The following PRKAR1B variants were observed in gnomAD, a reference collection of about 807,000 sequenced individuals.
PRKAR1B encodes cAMP-dependent protein kinase type I-beta regulatory subunit.
In PRKAR1B, 22 loss-of-function variants were observed where a neutral mutation model predicts 46.5. The ratio of observed to expected loss-of-function variants is 0.47; its 90% CI spans 0.34 to 0.68. The LOEUF is 0.68. Among genes scored for constraint, PRKAR1B ranks in the 30% least tolerant of loss-of-function variants. The pLI, the probability that PRKAR1B is intolerant of heterozygous loss-of-function variation, is 0.01. For missense variants in PRKAR1B, 445 were observed against 535.6 expected, an observed-to-expected ratio of 0.83 and a Z score of 1.67; for synonymous variants, 259 against 217.7, an observed-to-expected ratio of 1.19 and a Z score of -1.67.
chr7:618,403 TC>T (rs758383542), intron 4 of PRKAR1B, among the ~76,000 whole-genome samples: 2 of 152,218 alleles, frequency 1.3e-5, no homozygotes, highest in East Asian at 1.9e-4. Flanking sequence ...CCCATAGCCC[TC>T]TCGGTCTGTG....
At chr7:707,555 C>T (rs879528159) in intron 2 of PRKAR1B, among the ~76,000 whole-genome samples, 1 of 106,990 alleles carries the variant, frequency 9.3e-6, no homozygotes, top group Non-Finnish European at 2.0e-5. Context: ...GAGTCCTAAC[C>T]TCAGAACCTC....
chr7:630,180 C>G (rs1385682156), intron 4 of PRKAR1B, among the ~76,000 whole-genome samples: 2 of 152,226 alleles, frequency 1.3e-5, no homozygotes, highest in Admixed American at 6.5e-5. Context: ...CCCACCTCCC[C>G]CTTCCAGGAC....
intron 4 of PRKAR1B, among the ~76,000 whole-genome samples, chr7:660,837 C>T (rs1273972450): frequency 7.7e-6 from 1 of 129,550 alleles, no homozygotes; most frequent in African/African-American, 3.1e-5. Flanking sequence ...GGTCCCCAAC[C>T]CAACAGATCC....
chr7:709,018 C>A (rs1780474817), intron 2 of PRKAR1B, among the ~76,000 whole-genome samples: 1 of 147,438 alleles, frequency 6.8e-6, no homozygotes, highest in African/African-American at 2.5e-5. Context: ...GTCTCAAACT[C>A]CTGACCTCAT....
At chr7:622,194 A>C (rs1783143306) in intron 4 of PRKAR1B, among the ~76,000 whole-genome samples, 1 of 152,228 alleles carries the variant, frequency 6.6e-6, no homozygotes, top group African/African-American at 2.4e-5. Flanking sequence ...AGGCCACCTA[A>C]GGGGGACAAC....
chr7:691,394 TCC>T, intron 2 of PRKAR1B: 1 of 912,008 alleles, frequency 1.1e-6, no homozygotes. Context: ...AGATTCCAAA[TCC>T]CCTGCCTGGT....
At chr7:583,392 CA>C (rs1780325633) in intron 8 of PRKAR1B, among the ~76,000 whole-genome samples, 2 of 54,246 alleles carry the variant, frequency 3.7e-5, no homozygotes, top group African/African-American at 9.5e-5. Context: ...TGCACACTCA[CA>C]CCCCCCACAC....
chr7:568,678 G>A (rs1168151692), intron 9 of PRKAR1B, among the ~76,000 whole-genome samples: 1 of 152,246 alleles, frequency 6.6e-6, no homozygotes, highest in Non-Finnish European at 1.5e-5. Flanking sequence ...CGACCGTGGG[G>A]TGCTGCAAAT....
At chr7:688,741 G>A (rs965041843) in intron 2 of PRKAR1B, among the ~76,000 whole-genome samples, 8 of 152,058 alleles carry the variant, frequency 5.3e-5, no homozygotes, top group African/African-American at 9.7e-5. Flanking sequence ...AGAGCTCTGC[G>A]GTCCTCTCAG....
intron 4 of PRKAR1B, among the ~76,000 whole-genome samples, chr7:611,542 C>A (rs935628025): frequency 6.6e-6 from 1 of 152,258 alleles, no homozygotes; most frequent in Non-Finnish European, 1.5e-5. Context: ...GATGCCTCCC[C>A]CTCCTGCAAC....
At chr7:668,714 T>G (rs1426037508) in intron 4 of PRKAR1B, among the ~76,000 whole-genome samples, 1 of 152,146 alleles carries the variant, frequency 6.6e-6, no homozygotes, top group East Asian at 1.9e-4. Flanking sequence ...CATAAACAGC[T>G]GGGATGGCCC....
intron 9 of PRKAR1B, among the ~76,000 whole-genome samples, chr7:561,141 ACACACAC>A (rs1778767999): frequency 6.6e-6 from 1 of 151,538 alleles, no homozygotes; most frequent in African/African-American, 2.4e-5. Flanking sequence ...AAACACACAC[ACACACAC>A]ACCTGTGCAC....
At chr7:690,561 G>C (rs1779356157) in intron 2 of PRKAR1B, among the ~76,000 whole-genome samples, 1 of 152,232 alleles carries the variant, frequency 6.6e-6, no homozygotes, top group Non-Finnish European at 1.5e-5. Flanking sequence ...TCAGCTTCGT[G>C]CATGTTGCTG....
At position 643,334 on chromosome 7, in the gene PRKAR1B, G is replaced by C. The variant is rs904298034; in HGVS notation, c.440+33895C>G. ...CATGAGCTTAGGCAGCGCGAGGCAC[G>C]GGGAATCCCTAAAGGAATAAGACCT... On this transcript the variant is annotated intron_variant, in intron 4 of 10. Coordinates refer to ENST00000537384, the MANE Select transcript of PRKAR1B (RefSeq NM_001164760.2). 2.0e-5 allele frequency among the ~76,000 whole-genome samples: 3 copies of C among 151,464 alleles called. 1 individual carries two copies. Among genetic ancestry groups the C allele is most frequent in the African/African-American group, 7.4e-5 (3 of 40,802 alleles).
At chr7:686,024 GGT>G (rs1779077486) in intron 2 of PRKAR1B, among the ~76,000 whole-genome samples, 2 of 152,222 alleles carry the variant, frequency 1.3e-5, no homozygotes, top group Non-Finnish European at 2.9e-5. Context: ...GAATCGGCCA[GGT>G]GTGGTGGCTC....
intron 2 of PRKAR1B, among the ~76,000 whole-genome samples, chr7:686,279 C>T (rs941374104): frequency 2.7e-5 from 4 of 147,684 alleles, no homozygotes; most frequent in Non-Finnish European, 5.9e-5. Flanking sequence ...CCAGCCTGGG[C>T]GACAGAGCGA....
At chr7:664,861 C>T (rs1175088451) in intron 4 of PRKAR1B, among the ~76,000 whole-genome samples, 1 of 152,100 alleles carries the variant, frequency 6.6e-6, no homozygotes, top group Non-Finnish European at 1.5e-5. Flanking sequence ...CTGCAGTGAG[C>T]CAAGATCGTG....
intron 1 of PRKAR1B, among the ~76,000 whole-genome samples, chr7:721,588 C>T (rs2128535167): frequency 6.6e-6 from 1 of 151,758 alleles, no homozygotes; most frequent in East Asian, 1.9e-4. Context: ...GCAGAGGTTG[C>T]AGTGAGCTGA....
chr7:586,046 T>A (rs985639819), intron 7 of PRKAR1B, among the ~76,000 whole-genome samples: 3 of 152,026 alleles, frequency 2.0e-5, no homozygotes, highest in African/African-American at 7.2e-5. Context: ...CTCTCCTCCT[T>A]CCTGCTGACT....
Sources: gnomAD v4.1 joint callset for allele counts (sites outside exome capture counted in the v4.1 genomes callset) on GRCh38, gnomAD v4.1.1 for gene constraint, MANE v1.5 for transcripts, NCBI Gene and HGNC (gene_info 2026-07-23, HGNC 2026-07-21) for gene names.